The following SYTL5 variants were observed in gnomAD, a reference collection of about 807,000 sequenced individuals.
SYTL5 encodes synaptotagmin like 5, also known as synaptotagmin-like protein 5.
Under a neutral mutation model 55.9 loss-of-function variants are expected in SYTL5, and 34 were observed. That is an observed-to-expected ratio of 0.61 (90% CI 0.46 to 0.81). SYTL5 has a LOEUF of 0.81. SYTL5 is among the 30% of genes least tolerant of loss of function. The pLI, the probability that SYTL5 is intolerant of heterozygous loss-of-function variation, is 0.00. For synonymous variants in SYTL5, 221 were observed against 188.7 expected (o/e 1.17, Z -1.40); for missense variants, 637 against 546.7 (o/e 1.17, Z -1.65).
chrX:38,110,624 T>C (rs1937336394), intron 13 of SYTL5, 142 bp downstream of exon 13: 1 of 429,721 alleles, frequency 2.3e-6, no homozygotes, highest in African/African-American at 2.5e-5. Flanking sequence ...TTTGGAATAA[T>C]ATTATAAAAA....
intron 9 of SYTL5, 37 bp downstream of exon 9, chrX:38,096,271 G>A (rs1936934543): frequency 1.2e-6 from 1 of 845,850 alleles, no homozygotes; most frequent in South Asian, 2.3e-5. Context: ...ATGAAGAGGA[G>A]GAAATAAGGG....
At chrX:37,909,694 G>A in the SYTL5 span, among the ~76,000 whole-genome samples, 2 of 107,737 alleles carry the variant, frequency 1.9e-5, no homozygotes, top group African/African-American at 6.8e-5. Flanking sequence ...TTTTTTTTGA[G>A]ATGGAGTCTC....
the SYTL5 span, among the ~76,000 whole-genome samples, chrX:37,988,502 A>T: frequency 8.9e-6 from 1 of 112,364 alleles, no homozygotes; most frequent in African/African-American, 3.2e-5. Context: ...AATATCTAAA[A>T]ATGTGGAAGT....
chrX:38,116,083 A>G (rs1037510210), intron 13 of SYTL5, among the ~76,000 whole-genome samples: 1 of 111,888 alleles, frequency 8.9e-6, no homozygotes, highest in Non-Finnish European at 1.9e-5. Context: ...CTCATGCTTA[A>G]GTCTTTAATC....
At chrX:37,945,317 A>G in the SYTL5 span, among the ~76,000 whole-genome samples, 2 of 112,252 alleles carry the variant, frequency 1.8e-5, no homozygotes, top group African/African-American at 6.5e-5. Flanking sequence ...TACTAACTTT[A>G]TGACATCTTA....
At chrX:38,079,166 T>C (rs1936464957) in intron 6 of SYTL5, among the ~76,000 whole-genome samples, 2 of 111,947 alleles carry the variant, frequency 1.8e-5, no homozygotes. Flanking sequence ...CCCAGTCTCT[T>C]TGGTCTATTG....
the SYTL5 span, among the ~76,000 whole-genome samples, chrX:37,984,748 G>A: frequency 1.8e-5 from 2 of 110,664 alleles, no homozygotes; most frequent in Non-Finnish European, 3.8e-5. Context: ...AAAATAATAG[G>A]AACTTGAATC....
chrX:37,930,866 G>A, the SYTL5 span, among the ~76,000 whole-genome samples: 1 of 112,027 alleles, frequency 8.9e-6, no homozygotes, highest in Non-Finnish European at 1.9e-5. Flanking sequence ...CAGCAGGATA[G>A]CCCAGGTATG....
intron 15 of SYTL5, among the ~76,000 whole-genome samples, chrX:38,123,137 G>T (rs1274990230): frequency 1.8e-5 from 2 of 111,512 alleles, no homozygotes; most frequent in African/African-American, 6.5e-5. Context: ...TGTTGTTGTT[G>T]TTTGTTTTTG....
the SYTL5 span, among the ~76,000 whole-genome samples, chrX:37,977,064 T>G: frequency 9.0e-6 from 1 of 111,595 alleles, no homozygotes; most frequent in Non-Finnish European, 1.9e-5. Context: ...TTTGAAAAAA[T>G]TATTTATTTA....
upstream of SYTL5, among the ~76,000 whole-genome samples, chrX:38,001,844 C>T (rs1455625003): frequency 2.7e-5 from 3 of 110,971 alleles, no homozygotes; most frequent in Non-Finnish European, 5.7e-5. Context: ...TATAGTAGCT[C>T]TATTTTGAGT....
At chrX:37,986,254 G>T in the SYTL5 span, among the ~76,000 whole-genome samples, 2 of 109,832 alleles carry the variant, frequency 1.8e-5, no homozygotes, top group African/African-American at 6.7e-5. Flanking sequence ...AGGAGCTTCG[G>T]CAAGACTCAC....
the SYTL5 span, among the ~76,000 whole-genome samples, chrX:37,997,413 G>A: frequency 1.8e-5 from 2 of 112,569 alleles, no homozygotes; most frequent in East Asian, 5.6e-4. Context: ...AATCGCGGCT[G>A]CAGACCCAGG....
chrX:37,966,436 C>CTTTTTTT, the SYTL5 span, among the ~76,000 whole-genome samples: 482 of 77,973 alleles, frequency 6.2e-3, 3 homozygotes, highest in Middle Eastern at 8.1e-3. Flanking sequence ...TTTTCTTTTT[C>CTTTTTTT]TTTTTTTTTT....
chrX:37,991,374 C>A, the SYTL5 span: 1 of 777,387 alleles, frequency 1.3e-6, no homozygotes, highest in Non-Finnish European at 1.8e-6. Flanking sequence ...TGTAAGACAT[C>A]CAGGGGAAGC....
the SYTL5 span, among the ~76,000 whole-genome samples, chrX:37,969,463 C>T: frequency 1.8e-5 from 2 of 111,720 alleles, no homozygotes; most frequent in African/African-American, 3.3e-5. Context: ...AACATCACTT[C>T]CACATGACAC....
chrX:37,977,014 T>G, the SYTL5 span, among the ~76,000 whole-genome samples: 2 of 111,458 alleles, frequency 1.8e-5, no homozygotes, highest in Non-Finnish European at 3.8e-5. Flanking sequence ...ATCTTTTGTT[T>G]ACTAACATCA....
intron 6 of SYTL5, among the ~76,000 whole-genome samples, chrX:38,077,499 A>C (rs764995385): frequency 3.6e-5 from 4 of 111,228 alleles, no homozygotes; most frequent in African/African-American, 1.3e-4. Context: ...GCAGAATTGC[A>C]TTCTTCCCTG....
chrX:38,008,380 T>A (rs1934064269), intron 1 of SYTL5, among the ~76,000 whole-genome samples: 1 of 111,518 alleles, frequency 9.0e-6, no homozygotes. Flanking sequence ...TCTCTTTCTG[T>A]GGGGAGTATC....
Sources: gnomAD v4.1 joint callset for allele counts (sites outside exome capture counted in the v4.1 genomes callset) on GRCh38, gnomAD v4.1.1 for gene constraint, MANE v1.5 for transcripts, NCBI Gene and HGNC (gene_info 2026-07-23, HGNC 2026-07-21) for gene names.